PPP2R1B: variants seen among roughly 807,000 people sequenced by gnomAD.
The protein encoded by PPP2R1B is protein phosphatase 2 scaffold subunit Abeta.
Under a neutral mutation model 72.7 loss-of-function variants are expected in PPP2R1B, and 58 were observed. That is an observed-to-expected ratio of 0.80 (90% CI 0.65 to 0.99). The LOEUF is 0.99. Ranked by LOEUF, PPP2R1B falls within the 50% of genes least tolerant of loss-of-function variation. The pLI, the probability that PPP2R1B is intolerant of heterozygous loss-of-function variation, is 0.00. For missense variants in PPP2R1B, 695 were observed against 733.6 expected, an observed-to-expected ratio of 0.95 and a Z score of 0.61; for synonymous variants, 256 against 264.6, an observed-to-expected ratio of 0.97 and a Z score of 0.32.
chr11:111,693,175 T>C, the PPP2R1B span, among the ~76,000 whole-genome samples: 1 of 151,918 alleles, frequency 6.6e-6, no homozygotes, highest in East Asian at 1.9e-4. Flanking sequence ...CTACTAAAAA[T>C]ACAAAAATTA....
chr11:111,735,008 C>T (rs1238919913), downstream of PPP2R1B, among the ~76,000 whole-genome samples: 6 of 152,302 alleles, frequency 3.9e-5, no homozygotes, highest in Admixed American at 3.3e-4. Flanking sequence ...AGACCCGCAT[C>T]GAAAGGCACA....
At chr11:111,730,686 CA>C (rs1944161922) in intron 15 of PPP2R1B, 1 of 151,234 alleles carries the variant, frequency 6.6e-6, no homozygotes, top group Non-Finnish European at 1.5e-5. Flanking sequence ...AAAAAAAAAT[CA>C]AAAGTATAAC....
At chr11:111,693,629 G>C in the PPP2R1B span, among the ~76,000 whole-genome samples, 2 of 152,124 alleles carry the variant, frequency 1.3e-5, no homozygotes, top group Non-Finnish European at 2.9e-5. Flanking sequence ...ACTTAAATAA[G>C]GATAAAAATC....
At chr11:111,703,982 A>G in the PPP2R1B span, among the ~76,000 whole-genome samples, 1 of 152,228 alleles carries the variant, frequency 6.6e-6, no homozygotes, top group African/African-American at 2.4e-5. Flanking sequence ...GCATACTTAT[A>G]GGATATACGT....
At chr11:111,735,906 T>TG (rs896406128), downstream of PPP2R1B, among the ~76,000 whole-genome samples, 2 of 152,228 alleles carry the variant, frequency 1.3e-5, no homozygotes, top group African/African-American at 4.8e-5. Flanking sequence ...CACAGGGCTC[T>TG]GCCTGGCAAC....
At position 111,738,132 on chromosome 11, in the gene PPP2R1B, T is replaced by C; in HGVS notation, c.*3464A>G. ...GTAAGGAACTGGATGGAAACAGGAA[T>C]ACTGGAGAATCAAAGGGAAACAGTT... On this transcript the variant is annotated 3_prime_UTR_variant, in exon 15 of 15. Transcript: ENST00000527614. 1.0e-6 allele frequency: 1 copy of C among 987,552 alleles called. No individual in the cohort carries two copies. Among genetic ancestry groups the C allele is most frequent in the Non-Finnish European group, 1.2e-6 (1 of 831,172 alleles). 61.2% of individuals were successfully genotyped at this position (987,552 alleles called of 1,614,324 possible).
At position 111,741,521 on chromosome 11, in the gene PPP2R1B, C is replaced by T. The variant is rs772761800; in HGVS notation, c.*75G>A. 199 of 1,569,428 alleles carry T rather than the reference C, an allele frequency of 1.3e-4. No homozygotes were observed. Among genetic ancestry groups the T allele is most frequent in the Non-Finnish European group, 1.7e-4 (196 of 1,163,638 alleles). The stretch of plus-strand genomic sequence containing the variant: ...ATCTTGAAGGTTTTCCATTCTTTCT[C>T]CACCCAGTTAAGAACACATTGACTA... On this transcript the variant is annotated 3_prime_UTR_variant, in exon 15 of 15. Coordinates refer to ENST00000527614, the MANE Select transcript of PPP2R1B (RefSeq NM_002716.5).
intron 5 of PPP2R1B, among the ~76,000 whole-genome samples, chr11:111,757,520 A>G (rs1397728185): frequency 6.6e-6 from 1 of 152,170 alleles, no homozygotes; most frequent in Non-Finnish European, 1.5e-5. Context: ...CTGAAATATA[A>G]GCTAATACAT....
the PPP2R1B span, among the ~76,000 whole-genome samples, chr11:111,705,435 G>A: frequency 6.6e-6 from 1 of 152,068 alleles, no homozygotes; most frequent in Non-Finnish European, 1.5e-5. The surrounding 1 kb of genome is among the most constrained non-coding windows in gnomAD (Gnocchi z 4.3). Flanking sequence ...GATTTACCAC[G>A]TGCGAGCTTC....
At chr11:111,764,677 T>C in intron 3 of PPP2R1B, 128 bp downstream of exon 3, 2 of 898,154 alleles carry the variant, frequency 2.2e-6, no homozygotes, top group East Asian at 2.7e-5. Context: ...TCTCAATGAC[T>C]AACATTATGA....
the PPP2R1B span, among the ~76,000 whole-genome samples, chr11:111,696,653 A>G: frequency 6.6e-6 from 1 of 152,186 alleles, no homozygotes; most frequent in Non-Finnish European, 1.5e-5. Context: ...AGAGAGACGA[A>G]TGCCCAAGTG....
chr11:111,719,341 T>C, the PPP2R1B span, among the ~76,000 whole-genome samples: 27 of 135,986 alleles, frequency 2.0e-4, no homozygotes, highest in Non-Finnish European at 3.5e-4. Context: ...AATAGAAGAA[T>C]CTTGGTGACT....
At chr11:111,732,024 C>G (rs551672476) in intron 15 of PPP2R1B, among the ~76,000 whole-genome samples, 2 of 152,322 alleles carry the variant, frequency 1.3e-5, no homozygotes, top group East Asian at 3.9e-4. Context: ...CTTTGTGAGT[C>G]GAAGGCTCCA....
At chr11:111,763,825 T>C (rs1052683883) in intron 3 of PPP2R1B, among the ~76,000 whole-genome samples, 9 of 150,784 alleles carry the variant, frequency 6.0e-5, no homozygotes, top group African/African-American at 2.2e-4. Flanking sequence ...AGCATAGGCC[T>C]ATATACATAG....
downstream of PPP2R1B, among the ~76,000 whole-genome samples, chr11:111,733,539 G>A (rs962394901): frequency 6.6e-6 from 1 of 152,166 alleles, no homozygotes; most frequent in African/African-American, 2.4e-5. Flanking sequence ...CTCCCCAAAA[G>A]TGAAATGCCC....
At chr11:111,688,452 G>A in the PPP2R1B span, among the ~76,000 whole-genome samples, 1 of 152,222 alleles carries the variant, frequency 6.6e-6, no homozygotes, top group Non-Finnish European at 1.5e-5. This position sits in a 1 kb window ranked among gnomAD's most constrained non-coding sequence, Gnocchi z 4.2. Context: ...CTGAGTGTCA[G>A]AGTGACTGGA....
At chr11:111,688,925 T>C in the PPP2R1B span, among the ~76,000 whole-genome samples, 1 of 152,212 alleles carries the variant, frequency 6.6e-6, no homozygotes, top group South Asian at 2.1e-4. The surrounding 1 kb of genome is among the most constrained non-coding windows in gnomAD (Gnocchi z 4.2). Flanking sequence ...TACAGTATGA[T>C]AGTTGCAATT....
the PPP2R1B span, among the ~76,000 whole-genome samples, chr11:111,696,916 T>C: frequency 6.6e-6 from 1 of 152,344 alleles, no homozygotes; most frequent in Admixed American, 6.5e-5. Context: ...CACTTCACTA[T>C]ATGCATTTAG....
the PPP2R1B span, chr11:111,703,444 G>A: frequency 4.1e-5 from 66 of 1,608,242 alleles, no homozygotes; most frequent in South Asian, 3.2e-4. Context: ...CAGAGATTTC[G>A]GGGTTCTACT....
Sources: gnomAD v4.1 joint callset for allele counts (sites outside exome capture counted in the v4.1 genomes callset) on GRCh38, gnomAD v4.1.1 for gene constraint, Gnocchi (gnomAD v3.1) non-coding constraint, MANE v1.5 for transcripts, NCBI Gene and HGNC (gene_info 2026-07-23, HGNC 2026-07-21) for gene names.